Variants in MDN1 observed in about 807,000 individuals in gnomAD.
MDN1 encodes the protein midasin AAA ATPase 1.
MDN1 carries 266 observed loss-of-function variants against 669.2 expected under a neutral mutation model. The ratio of observed to expected loss-of-function variants is 0.40; its 90% CI spans 0.36 to 0.44. MDN1 has a LOEUF of 0.44. Among genes scored for constraint, MDN1 ranks in the 20% least tolerant of loss-of-function variants. The pLI is 1.00. For missense variants in MDN1, 5,940 were observed against 6,754.0 expected, an observed-to-expected ratio of 0.88 and a Z score of 4.22; for synonymous variants, 2,385 against 2,457.1, an observed-to-expected ratio of 0.97 and a Z score of 0.87.
chr6:89,692,621 C>T lies in MDN1; in HGVS notation c.10409G>A (p.Gly3470Asp), dbSNP rs1272095346. The change falls in exon 63 of 102, where the codon GGC becomes GAC. Residue 3470 changes from glycine (G) to aspartate (D), a missense_variant. Physicochemically the swap from Gly to Asp is moderately conservative, Grantham distance 94. Coordinates refer to ENST00000369393, the MANE Select transcript of MDN1 (RefSeq NM_014611.3). ...GCGCTTGAGGATTAGCTTCCCAAGG[C>T]CTCGTAGAACCTCCTCAGACTTCAC... The part of the protein sequence containing the change: ...CSVKSEEVLR[G>D]LGKLILKRSG... 14 of 1,614,222 alleles carry T rather than the reference C, an allele frequency of 8.7e-6. No individual in the cohort carries two copies. The highest frequency in any genetic ancestry group is 1.7e-5 in the Admixed American group (1 of 60,034).
At position 89,714,811 on chromosome 6, in the gene MDN1, TAGCTCAGCATCAGTCAGTGAG is replaced by T. The variant is rs2128312439; in HGVS notation, c.6861-81_6861-61del. On this transcript the variant is annotated intron_variant, in intron 45 of 101. Coordinates refer to ENST00000369393, the MANE Select transcript of MDN1 (RefSeq NM_014611.3). ...TTAAATCCCAGTGCAACCAAAGGTG[TAGCTCAGCATCAGTCAGTGAG>T]GGCAAATCCTATGTGGCTCATTGTC... 4.3e-6 allele frequency: 6 copies of T among 1,407,150 alleles called. No individual in the cohort carries two copies. In the South Asian group the frequency reaches 6.6e-5, roughly 16 times the overall value. 87.2% of individuals were successfully genotyped at this position (1,407,150 alleles called of 1,614,324 possible).
At chr6:89,680,933 T>C (rs996608416) in intron 73 of MDN1, among the ~76,000 whole-genome samples, 182 bp from the exon 74 acceptor site, 8 of 152,076 alleles carry the variant, frequency 5.3e-5, no homozygotes, top group African/African-American at 1.7e-4. Context: ...ATATTACTGC[T>C]CCATATGAGA....
chr6:89,675,386 C>G (rs916864118), intron 78 of MDN1, 78 bp downstream of exon 78: 45 of 1,201,040 alleles, frequency 3.7e-5, no homozygotes, highest in Non-Finnish European at 5.3e-5. Context: ...ATTCCTCTCC[C>G]CACATGCAGC....
chr6:89,677,519 T>G (rs1811279037), intron 76 of MDN1, 51 bp downstream of exon 76: 5 of 1,606,146 alleles, frequency 3.1e-6, no homozygotes, highest in Non-Finnish European at 4.3e-6. Context: ...GAGTTCTAAA[T>G]TACTTGCTCC....
rs751919531 is a variant in MDN1, at chr6:89,794,115, A to T, written c.647T>A (p.Ile216Asn). Residue 216 changes from isoleucine to asparagine, a missense_variant, in exon 4 of 102, where the codon ATC (isoleucine) becomes AAC (asparagine). Transcript: ENST00000369393. ...TCCTGCTTACCTCAACCTGAAATGG[A>T]TCAATTCATCACTATTAAATATCTT... ...LKKIFNSDEL[I>N]HFRLRLLEEA... is the part of the protein sequence containing the mutation. The T allele has an allele frequency of 6.3e-7, 1 of 1,583,674 alleles. No individual in the cohort carries two copies. Among genetic ancestry groups the T allele is most frequent in the East Asian group, 2.2e-5 (1 of 44,772 alleles).
chr6:89,764,433 T>A, intron 15 of MDN1, among the ~76,000 whole-genome samples: 1 of 152,146 alleles, frequency 6.6e-6, no homozygotes, highest in Admixed American at 6.5e-5. Context: ...GGTGAAACCC[T>A]GTCTCTACAA....
intron 15 of MDN1, among the ~76,000 whole-genome samples, chr6:89,771,052 CCACCATAAATCTTATTCAAAG>C (rs1404250031): frequency 6.6e-6 from 1 of 152,020 alleles, no homozygotes; most frequent in Admixed American, 6.6e-5. Context: ...GAGCAATGTC[CCACCATAAATCTTATTCAAAG>C]CACCATACAC....
chr6:89,747,266 T>G (rs1816683781), intron 27 of MDN1, 63 bp downstream of exon 27: 9 of 1,567,050 alleles, frequency 5.7e-6, no homozygotes, highest in Non-Finnish European at 8.6e-7. Context: ...GCAAGATTTG[T>G]TTTAATAAAA....
At position 89,794,553 on chromosome 6, in the gene MDN1, C is replaced by CA. The variant is rs751947796; in HGVS notation, c.554+23dup. ...CTGTACCATCCCCACACTAGAAGTG[C>CA]AAAAAAGTCTAACAGCTACGCACCA... On this transcript the variant is annotated intron_variant, in intron 3 of 101. Coordinates refer to ENST00000369393, the MANE Select transcript of MDN1 (RefSeq NM_014611.3). 23 of 1,607,730 alleles carry CA rather than the reference C, an allele frequency of 1.4e-5. No individual in the cohort carries two copies. In the South Asian group the frequency reaches 1.7e-4, roughly 12 times the overall value.
intron 10 of MDN1, among the ~76,000 whole-genome samples, chr6:89,780,605 G>GC (rs1268633941): frequency 1.3e-5 from 2 of 150,780 alleles, no homozygotes; most frequent in African/African-American, 4.9e-5. Flanking sequence ...AAGGAGGGGA[G>GC]CAACCAATCA....
intron 5 of MDN1, among the ~76,000 whole-genome samples, chr6:89,791,916 G>A (rs990127477): frequency 1.7e-4 from 21 of 125,246 alleles, no homozygotes; most frequent in Non-Finnish European, 2.8e-4. Context: ...GTCTCACTCT[G>A]GAGTGCAGTG....
intron 1 of MDN1, among the ~76,000 whole-genome samples, chr6:89,813,953 C>T (rs1274629290): frequency 6.6e-6 from 1 of 150,798 alleles, no homozygotes; most frequent in Non-Finnish European, 1.5e-5. Flanking sequence ...ATTAGCCAGA[C>T]GCGGTGGCAT....
chr6:89,684,274 CA>C (rs1342198028), intron 71 of MDN1, among the ~76,000 whole-genome samples: 1 of 151,656 alleles, frequency 6.6e-6, no homozygotes, highest in East Asian at 1.9e-4. Context: ...ACCCGGGAGG[CA>C]AAGGCTGCAG....
At chr6:89,697,188 A>C (rs925965577) in intron 59 of MDN1, among the ~76,000 whole-genome samples, 2 of 152,220 alleles carry the variant, frequency 1.3e-5, no homozygotes, top group Non-Finnish European at 2.9e-5. Flanking sequence ...TTCACATGAG[A>C]GTGGAAAGGA....
chr6:89,708,875 G>A (rs1813695084), intron 50 of MDN1, among the ~76,000 whole-genome samples: 1 of 151,338 alleles, frequency 6.6e-6, no homozygotes, highest in Non-Finnish European at 1.5e-5. Flanking sequence ...CCCAATGCAG[G>A]ATATAAAGGT....
chr6:89,710,596 C>A, intron 50 of MDN1, 85 bp downstream of exon 50: 2 of 683,586 alleles, frequency 2.9e-6, no homozygotes, highest in Non-Finnish European at 2.4e-6. Context: ...ATGTTGAGAC[C>A]TCTAACAGGT....
chr6:89,725,446 G>T lies in MDN1; in HGVS notation c.5473-50C>A. 4 of 1,436,684 alleles carry T rather than the reference G, an allele frequency of 2.8e-6. No homozygotes were observed. The South Asian group carries it at 3.5e-5, about 13-fold the overall frequency. The allele number at this position is 1,436,684 out of a possible 1,614,324, so 89.0% of individuals were successfully genotyped here. Reference sequence around the variant, plus strand: ...TTTGTCTCAAATATATTATACAACTGCAACAAAAAGCAGGGGAATAATATG... The same window carrying T: ...TTTGTCTCAAATATATTATACAACTTCAACAAAAAGCAGGGGAATAATATG... On this transcript the variant is annotated intron_variant, in intron 37 of 101. Coordinates refer to ENST00000369393, the MANE Select transcript of MDN1 (RefSeq NM_014611.3).
intron 76 of MDN1, 88 bp from the exon 77 acceptor site, chr6:89,676,295 C>T: frequency 8.6e-7 from 1 of 1,167,792 alleles, no homozygotes; most frequent in Non-Finnish European, 1.3e-6. Flanking sequence ...TATATTTGGC[C>T]ATAACCAAGA....
Position 89,730,889 on chromosome 6 carries a change from C to T in MDN1, c.4977G>A (p.Leu1659=). ...GAAATTTCAGACATTCTTTTCGTGCCAAAAGGGCTGTACCAAACCCAGAGG... is the reference window on the plus strand; with the variant it reads ...GAAATTTCAGACATTCTTTTCGTGCTAAAAGGGCTGTACCAAACCCAGAGG... ...VTSSGFGTAL[L]ARKECLKFLI... The change falls in exon 35 of 102, where the codon TTG becomes TTA. Residue 1659 remains leucine (L), a synonymous_variant. Coordinates refer to ENST00000369393, the MANE Select transcript of MDN1 (RefSeq NM_014611.3). The T allele has an allele frequency of 6.2e-7, 1 of 1,613,898 alleles. No homozygotes were observed. The highest frequency in any genetic ancestry group is 8.5e-7 in the Non-Finnish European group (1 of 1,179,934).
Sources: gnomAD v4.1 joint callset for allele counts (sites outside exome capture counted in the v4.1 genomes callset) on GRCh38, gnomAD v4.1.1 for gene constraint, MANE v1.5 for transcripts, NCBI Gene and HGNC (gene_info 2026-07-23, HGNC 2026-07-21) for gene names.